Variants in WWC2 observed in about 807,000 individuals in gnomAD.
WWC2 encodes the protein protein WWC2.
Under a neutral mutation model 138.5 loss-of-function variants are expected in WWC2, and 101 were observed. The ratio of observed to expected loss-of-function variants is 0.73; its 90% CI spans 0.62 to 0.86. WWC2 has a LOEUF of 0.86. WWC2 is among the 40% of genes least tolerant of loss of function. The pLI is 0.00. For synonymous variants in WWC2, 558 were observed against 538.4 expected, an observed-to-expected ratio of 1.04 and a Z score of -0.50; for missense variants, 1,420 against 1,419.4, an observed-to-expected ratio of 1.00 and a Z score of -0.01.
chr4:183,230,635 T>C (rs112253232), intron 4 of WWC2, among the ~76,000 whole-genome samples: 11,490 of 151,928 alleles, frequency 0.076, 1,469 homozygotes, highest in African/African-American at 0.26. Context: ...CGAGATTGTG[T>C]CATTGCACCC....
intron 10 of WWC2, among the ~76,000 whole-genome samples, chr4:183,260,037 A>G (rs1212400426): frequency 6.6e-6 from 1 of 152,224 alleles, no homozygotes; most frequent in Non-Finnish European, 1.5e-5. Context: ...TTGCCTTAAA[A>G]TAGCCATAGA....
At chr4:183,214,643 T>C (rs1254530962) in intron 4 of WWC2, among the ~76,000 whole-genome samples, 1 of 151,776 alleles carries the variant, frequency 6.6e-6, no homozygotes, top group African/African-American at 2.4e-5. Flanking sequence ...AAATACAAAA[T>C]TAGCCAGGTG....
Position 183,265,907 on chromosome 4 carries a change from G to A in WWC2, c.2163G>A (p.Gln721=). 2 of 1,613,480 alleles carry A rather than the reference G, an allele frequency of 1.2e-6. No homozygotes were observed. Among genetic ancestry groups the A allele is most frequent in the Non-Finnish European group, 1.7e-6 (2 of 1,179,724 alleles). ...CAAGTTTCATGGTGATTATAGCACA[G>A]CTCCGAAACCTTCATGCCTTCTTGA... ...KSSSFMVIIA[Q]LRNLHAFLIP... Residue 721 remains glutamine (Q), a synonymous_variant, in exon 14 of 23, where the codon CAG becomes CAA. Transcript: ENST00000403733.
At chr4:183,155,727 A>G (rs887269938) in intron 1 of WWC2, among the ~76,000 whole-genome samples, 15 of 152,174 alleles carry the variant, frequency 9.9e-5, no homozygotes, top group African/African-American at 3.4e-4. Context: ...AAAATGTCAT[A>G]TACAGTAATG....
chr4:183,196,943 G>T (rs557054092), intron 2 of WWC2, among the ~76,000 whole-genome samples: 3 of 152,040 alleles, frequency 2.0e-5, no homozygotes, highest in Non-Finnish European at 4.4e-5. Flanking sequence ...TTTTCATATT[G>T]CATTTATATT....
intron 1 of WWC2, among the ~76,000 whole-genome samples, chr4:183,150,492 A>T (rs1401248678): frequency 2.0e-5 from 3 of 152,086 alleles, no homozygotes; most frequent in Admixed American, 2.0e-4. Flanking sequence ...TTGTACGTTG[A>T]TGTCATTATA....
At chr4:183,172,421 A>G (rs1165418099) in intron 1 of WWC2, among the ~76,000 whole-genome samples, 2 of 152,150 alleles carry the variant, frequency 1.3e-5, no homozygotes, top group African/African-American at 4.8e-5. Flanking sequence ...TTCTGCTCTC[A>G]TATGTGATTA....
intron 1 of WWC2, among the ~76,000 whole-genome samples, chr4:183,145,066 A>C (rs940526446): frequency 6.6e-6 from 1 of 152,204 alleles, no homozygotes; most frequent in African/African-American, 2.4e-5. Flanking sequence ...GTTAGAGAGA[A>C]GGCGTTATCA....
Position 183,249,978 on chromosome 4 carries a change from A to T in WWC2, c.938A>T (p.Glu313Val). The change falls in exon 8 of 23, where the codon GAA becomes GTA. Residue 313 changes from glutamate to valine, a missense_variant. Physicochemically the swap from Glu to Val is moderately radical, Grantham distance 121. Coordinates refer to ENST00000403733, the MANE Select transcript of WWC2 (RefSeq NM_024949.6). ...AEKVRLSLQY[E>V]EAKRSMANLK... is the part of the protein sequence containing the mutation. ...AAGGTCAGGCTAAGCCTACAGTATG[A>T]AGAAGCCAAAAGAAGGTAATGACAG... The T allele has an allele frequency of 6.2e-7, 1 of 1,613,668 alleles. No homozygotes were observed. The highest frequency in any genetic ancestry group is 8.5e-7 in the Non-Finnish European group (1 of 1,179,714).
Position 183,137,998 on chromosome 4 carries a change from C to T in WWC2, c.131+38376C>T, listed in dbSNP as rs183759444. The stretch of plus-strand genomic sequence containing the variant: ...CTTTGTATGTATTGATCCTTTGAGG[C>T]CTGGCAAAAGATGGGTTCTTTCAGA... On this transcript the variant is annotated intron_variant, in intron 1 of 22. Coordinates refer to ENST00000403733, the MANE Select transcript of WWC2 (RefSeq NM_024949.6). 2.6e-5 allele frequency among the ~76,000 whole-genome samples: 4 copies of T among 152,246 alleles called. No individual in the cohort carries two copies. The East Asian group carries it at 7.7e-4, about 29-fold the overall frequency.
At chr4:183,258,344 G>A (rs1056758730) in intron 9 of WWC2, among the ~76,000 whole-genome samples, 1 of 151,932 alleles carries the variant, frequency 6.6e-6, no homozygotes, top group Non-Finnish European at 1.5e-5. Flanking sequence ...AGAATTTATC[G>A]CGCTTTTGAA....
chr4:183,293,092 C>A (rs1206980907), intron 21 of WWC2, among the ~76,000 whole-genome samples: 1 of 152,092 alleles, frequency 6.6e-6, no homozygotes, highest in African/African-American at 2.4e-5. Context: ...GTAGCTGGGG[C>A]TACAGGTGCA....
chr4:183,199,339 T>C (rs1190154618), intron 2 of WWC2, among the ~76,000 whole-genome samples: 2 of 152,170 alleles, frequency 1.3e-5, no homozygotes, highest in Admixed American at 1.3e-4. Context: ...CTGTACTCTT[T>C]TCAGCCAGAA....
At chr4:183,156,847 G>A (rs1733820144) in intron 1 of WWC2, among the ~76,000 whole-genome samples, 1 of 152,126 alleles carries the variant, frequency 6.6e-6, no homozygotes, top group Admixed American at 6.5e-5. Context: ...TTCCTCAAAT[G>A]TTAATATTTT....
chr4:183,110,863 G>A (rs1472835798), intron 1 of WWC2, among the ~76,000 whole-genome samples: 2 of 152,154 alleles, frequency 1.3e-5, no homozygotes, highest in African/African-American at 2.4e-5. Flanking sequence ...GGCCTGGGTT[G>A]TGTTGGTCAC....
At chr4:183,119,799 G>A (rs534479557) in intron 1 of WWC2, among the ~76,000 whole-genome samples, 1 of 152,156 alleles carries the variant, frequency 6.6e-6, no homozygotes, top group Non-Finnish European at 1.5e-5. Flanking sequence ...CCCATTGAGG[G>A]AAGTTTTTTA....
At chr4:183,250,140 T>C (rs1736931798) in intron 8 of WWC2, 147 bp downstream of exon 8, 7 of 666,274 alleles carry the variant, frequency 1.1e-5, no homozygotes, top group Admixed American at 3.0e-5. Flanking sequence ...GGCTGCTTCC[T>C]CTCTGGTCTA....
At chr4:183,142,095 A>G (rs1378594711) in intron 1 of WWC2, among the ~76,000 whole-genome samples, 6 of 152,216 alleles carry the variant, frequency 3.9e-5, no homozygotes, top group African/African-American at 1.4e-4. Flanking sequence ...ATAGGAGAGC[A>G]TGGGCATTCG....
intron 1 of WWC2, among the ~76,000 whole-genome samples, chr4:183,163,998 G>T (rs1237892989): frequency 6.6e-6 from 1 of 151,942 alleles, no homozygotes; most frequent in African/African-American, 2.4e-5. Flanking sequence ...ACTGTATTCA[G>T]TTGGGATTGA....
Sources: allele counts gnomAD v4.1 joint callset (sites outside exome capture counted in the v4.1 genomes callset), GRCh38; gene constraint gnomAD v4.1.1; transcripts MANE v1.5; gene names NCBI Gene and HGNC (gene_info 2026-07-23, HGNC 2026-07-21).